MAP2K6: variants seen among roughly 807,000 people sequenced by gnomAD.
The protein encoded by MAP2K6 is mitogen-activated protein kinase kinase 6.
MAP2K6 carries 16 observed loss-of-function variants against 53.7 expected under a neutral mutation model. That is an observed-to-expected ratio of 0.30 (90% CI 0.20 to 0.45). MAP2K6 has a LOEUF of 0.45. MAP2K6 is among the 20% of genes least tolerant of loss of function. MAP2K6 has a pLI of 1.00. For synonymous variants in MAP2K6, 132 were observed against 143.1 expected, an observed-to-expected ratio of 0.92 and a Z score of 0.55; for missense variants, 204 against 411.9, an observed-to-expected ratio of 0.50 and a Z score of 4.37.
chr17:69,496,954 T>C (rs1185018655), intron 1 of MAP2K6, among the ~76,000 whole-genome samples: 2 of 152,168 alleles, frequency 1.3e-5, no homozygotes, highest in Admixed American at 6.6e-5. Context: ...TCATTTTTAT[T>C]ACCACTACTA....
chr17:69,505,625 T>C, intron 1 of MAP2K6, 155 bp from the exon 2 acceptor site: 1 of 649,084 alleles, frequency 1.5e-6, no homozygotes, highest in Non-Finnish European at 2.8e-6. Context: ...GCTTGGGTTC[T>C]TAACACTCAC....
At chr17:69,524,827 C>G (rs1910679252) in intron 8 of MAP2K6, 74 bp from the exon 9 acceptor site, 1 of 1,137,370 alleles carries the variant, frequency 8.8e-7, no homozygotes, top group Non-Finnish European at 1.3e-6. Context: ...CTACCCCCAT[C>G]CCCAGAGACT....
chr17:69,414,876 C>T lies in MAP2K6; in HGVS notation c.-109C>T. On this transcript the variant is annotated 5_prime_UTR_variant, in exon 1 of 12. Transcript: ENST00000590474. ...CATCGGTCAAGAGAAACTCCACTTGCATGAAGATTGCACGCCTGCAGCTTG... is the reference window on the plus strand; with the variant it reads ...CATCGGTCAAGAGAAACTCCACTTGTATGAAGATTGCACGCCTGCAGCTTG... 1 of 976,326 alleles carries T rather than the reference C, an allele frequency of 1.0e-6. No individual in the cohort carries two copies. Among genetic ancestry groups the T allele is most frequent in the Non-Finnish European group, 1.6e-6 (1 of 621,696 alleles). The allele number at this position is 976,326 out of a possible 1,614,324, so 60.5% of individuals were successfully genotyped here.
intron 1 of MAP2K6, among the ~76,000 whole-genome samples, chr17:69,503,992 C>T (rs951251229): frequency 7.2e-5 from 11 of 152,186 alleles, no homozygotes; most frequent in Admixed American, 4.6e-4. Flanking sequence ...TGCCCCCTCT[C>T]CAGTCATCTC....
At chr17:69,425,952 C>T (rs1005843414) in intron 1 of MAP2K6, among the ~76,000 whole-genome samples, 3 of 151,852 alleles carry the variant, frequency 2.0e-5, no homozygotes, top group Non-Finnish European at 2.9e-5. Flanking sequence ...TTCCTGTACC[C>T]GAAACACCTT....
At chr17:69,517,459 T>C in intron 3 of MAP2K6, 41 bp from the exon 4 acceptor site, 1 of 1,161,684 alleles carries the variant, frequency 8.6e-7, no homozygotes, top group South Asian at 1.4e-5. Context: ...TTCTGTTTAT[T>C]TTTCTCTTTC....
intron 1 of MAP2K6, among the ~76,000 whole-genome samples, chr17:69,474,687 G>A (rs1213084519): frequency 6.6e-6 from 1 of 152,218 alleles, no homozygotes; most frequent in Non-Finnish European, 1.5e-5. Context: ...TGTTCCAGAT[G>A]GTGGTAATAC....
At chr17:69,469,079 C>A (rs1689460468) in intron 1 of MAP2K6, among the ~76,000 whole-genome samples, 1 of 152,170 alleles carries the variant, frequency 6.6e-6, no homozygotes, top group African/African-American at 2.4e-5. Context: ...GGAGAATAGA[C>A]CCCACTTTCT....
At chr17:69,435,259 C>T (rs1221273901) in intron 1 of MAP2K6, 1 of 152,018 alleles carries the variant, frequency 6.6e-6, no homozygotes, top group African/African-American at 2.4e-5. Context: ...TAAATGCGGC[C>T]AGGCGCCGTG....
intron 1 of MAP2K6, among the ~76,000 whole-genome samples, chr17:69,462,204 A>C (rs1907644241): frequency 6.6e-6 from 1 of 152,168 alleles, no homozygotes; most frequent in Admixed American, 6.5e-5. Context: ...CATAGAGGAC[A>C]CGAGAACCTC....
chr17:69,505,629 C>A (rs745593858), intron 1 of MAP2K6, 151 bp from the exon 2 acceptor site: 2 of 656,188 alleles, frequency 3.0e-6, no homozygotes, highest in Admixed American at 2.3e-5. Flanking sequence ...GGGTTCTTAA[C>A]ACTCACAGAC....
At chr17:69,477,362 C>T (rs1908188494) in intron 1 of MAP2K6, 1 of 152,188 alleles carries the variant, frequency 6.6e-6, no homozygotes, top group Non-Finnish European at 1.5e-5. Flanking sequence ...ACAGCTGGTC[C>T]CACATGTTTT....
chr17:69,480,577 T>C (rs1276615970), intron 1 of MAP2K6, among the ~76,000 whole-genome samples: 1 of 152,180 alleles, frequency 6.6e-6, no homozygotes, highest in African/African-American at 2.4e-5. Flanking sequence ...TTGGAAAAAG[T>C]CCATTTCATT....
At chr17:69,428,522 C>T (rs893569539) in intron 1 of MAP2K6, among the ~76,000 whole-genome samples, 4 of 152,200 alleles carry the variant, frequency 2.6e-5, no homozygotes, top group Non-Finnish European at 4.4e-5. Flanking sequence ...AGATCCCATT[C>T]AGAGATGCTG....
intron 1 of MAP2K6, among the ~76,000 whole-genome samples, chr17:69,450,703 T>G (rs926989489): frequency 5.5e-5 from 8 of 146,034 alleles, no homozygotes; most frequent in African/African-American, 2.0e-4. Context: ...TGGGGCCAAT[T>G]TTTTTTTTTT....
intron 8 of MAP2K6, among the ~76,000 whole-genome samples, chr17:69,524,106 AG>A (rs1301721081): frequency 6.6e-6 from 1 of 152,054 alleles, no homozygotes; most frequent in African/African-American, 2.4e-5. Flanking sequence ...CACCCCCCAA[AG>A]GCCCTGCCTT....
chr17:69,536,569 T>C (rs1911371176), intron 11 of MAP2K6, among the ~76,000 whole-genome samples: 1 of 152,166 alleles, frequency 6.6e-6, no homozygotes, highest in Non-Finnish European at 1.5e-5. Flanking sequence ...CTGGGCTAAA[T>C]TAGATGAACA....
chr17:69,420,321 T>A (rs1216422185), intron 1 of MAP2K6, among the ~76,000 whole-genome samples: 1 of 152,178 alleles, frequency 6.6e-6, no homozygotes. Flanking sequence ...TGCAGAGAAA[T>A]TTAATCTAAT....
rs534829724 is a variant in MAP2K6 at position 69,501,359 on chromosome 17, A to G, written c.17-4421A>G. Among the ~76,000 whole-genome samples, 29 of 152,284 alleles carry G rather than the reference A, an allele frequency of 1.9e-4. No individual in the cohort carries two copies. The South Asian group carries it at 2.3e-3, about 12-fold the overall frequency. On this transcript the variant is annotated intron_variant, in intron 1 of 11. Coordinates refer to ENST00000590474, the MANE Select transcript of MAP2K6 (RefSeq NM_002758.4). ...GGAACATAATCTTCTGTTTTATGTA[A>G]TGAGGAACATCAGAGGAGTGCTTTG...
Sources: gnomAD v4.1 joint callset for allele counts (sites outside exome capture counted in the v4.1 genomes callset) on GRCh38, gnomAD v4.1.1 for gene constraint, MANE v1.5 for transcripts, NCBI Gene and HGNC (gene_info 2026-07-23, HGNC 2026-07-21) for gene names.